Variants in MPP4 observed in about 807,000 individuals in gnomAD.
The protein encoded by MPP4 is MAGUK p55 scaffold protein 4, also known as MAGUK p55 subfamily member 4.
MPP4 carries 91 observed loss-of-function variants against 98.3 expected under a neutral mutation model. The observed-to-expected ratio is 0.93, with a 90% confidence interval of 0.78 to 1.10. MPP4 has a LOEUF of 1.10. Among genes scored for constraint, MPP4 ranks in the 50% least tolerant of loss-of-function variants. The probability of loss-of-function intolerance (pLI) is 0.00; values close to 1 mark genes in which losing one functional copy is unlikely to be tolerated. For missense variants in MPP4, 744 were observed against 792.9 expected (o/e 0.94, Z 0.74); for synonymous variants, 261 against 271.8 (o/e 0.96, Z 0.39).
chr2:201,656,392 C>T (rs1307985657), intron 16 of MPP4, 24 bp from the exon 17 acceptor site: 10 of 1,539,332 alleles, frequency 6.5e-6, no homozygotes, highest in Non-Finnish European at 8.8e-6. Flanking sequence ...GTGCACAGAA[C>T]GTAAGAACCA....
intron 18 of MPP4, 71 bp from the exon 19 acceptor site, chr2:201,650,236 A>G: frequency 6.7e-7 from 1 of 1,500,806 alleles, no homozygotes; most frequent in East Asian, 2.5e-5. Context: ...CATTTGAATA[A>G]AGATATCTAA....
chr2:201,690,641 A>AGG (rs1282460204), intron 3 of MPP4, among the ~76,000 whole-genome samples: 1 of 152,238 alleles, frequency 6.6e-6, no homozygotes, highest in Admixed American at 6.5e-5. Flanking sequence ...GTCTTAAAGG[A>AGG]GGGGCCCTTT....
At chr2:201,672,269 C>A (rs1688363536) in intron 11 of MPP4, among the ~76,000 whole-genome samples, 1 of 152,144 alleles carries the variant, frequency 6.6e-6, no homozygotes. Flanking sequence ...AAATTTAGAG[C>A]ACTAAATGCC....
intron 11 of MPP4, among the ~76,000 whole-genome samples, chr2:201,671,009 G>A (rs1413599141): frequency 2.6e-5 from 4 of 152,182 alleles, no homozygotes; most frequent in Non-Finnish European, 1.5e-5. Context: ...TTTGCAGTGA[G>A]GAAGGGTGCA....
chr2:201,689,697 G>T (rs1275785132), intron 4 of MPP4, among the ~76,000 whole-genome samples: 1 of 152,162 alleles, frequency 6.6e-6, no homozygotes, highest in African/African-American at 2.4e-5. Flanking sequence ...CCTGAGCACT[G>T]CAAGAACACA....
At chr2:201,659,137 C>A (rs1687946632) in intron 15 of MPP4, among the ~76,000 whole-genome samples, 1 of 152,166 alleles carries the variant, frequency 6.6e-6, no homozygotes, top group South Asian at 2.1e-4. Context: ...CTCAGGTGAT[C>A]CACCCACCTC....
intron 12 of MPP4, among the ~76,000 whole-genome samples, chr2:201,668,916 C>T (rs758411142): frequency 4.6e-5 from 7 of 152,168 alleles, no homozygotes; most frequent in South Asian, 2.1e-4. Context: ...CTGTGTCATA[C>T]ACCTTTTTTG....
rs929926346 is a variant in MPP4 at position 201,657,590 on chromosome 2, G to GTTTTTT, written c.1129+881_1129+886dup. Among the ~76,000 whole-genome samples, 351 of 90,990 alleles carry GTTTTTT rather than the reference G, an allele frequency of 3.9e-3. 66 individuals carry two copies. The highest frequency in any genetic ancestry group is 0.011 in the East Asian group (29 of 2,592). The allele number at this position is 90,990 out of a possible 152,430, so 59.7% of individuals were successfully genotyped here. On this transcript the variant is annotated intron_variant, in intron 16 of 21. Transcript: ENST00000409474. The stretch of plus-strand genomic sequence containing the variant: ...TCTAACAGTGAGAACCCTGGCCCTT[G>GTTTTTT]TTTTTTTTTTGTTTTTTTGTTTTTT...
intron 10 of MPP4, among the ~76,000 whole-genome samples, chr2:201,676,150 G>A (rs966298728): frequency 6.6e-6 from 1 of 152,208 alleles, no homozygotes; most frequent in Non-Finnish European, 1.5e-5. Context: ...CAGAGCTCCT[G>A]CCTCCAATTC....
At chr2:201,664,935 A>G (rs910450904) in intron 13 of MPP4, 6 of 167,302 alleles carry the variant, frequency 3.6e-5, no homozygotes, top group Middle Eastern at 3.4e-3. Flanking sequence ...TCCAAGATAC[A>G]GAATGTTAAG....
intron 11 of MPP4, chr2:201,673,445 A>G: frequency 6.3e-6 from 1 of 158,802 alleles, no homozygotes. Flanking sequence ...GGGGAGGGAT[A>G]GCATTAGGAC....
intron 11 of MPP4, among the ~76,000 whole-genome samples, chr2:201,671,390 C>T (rs1266765295): frequency 6.6e-6 from 1 of 152,138 alleles, no homozygotes; most frequent in Non-Finnish European, 1.5e-5. Flanking sequence ...GGATAAAATT[C>T]ACACATAACA....
chr2:201,695,309 C>G (rs1481703364), intron 1 of MPP4, among the ~76,000 whole-genome samples: 2 of 152,206 alleles, frequency 1.3e-5, no homozygotes, highest in African/African-American at 4.8e-5. Context: ...AATATGCCTA[C>G]TGCTCTTTAA....
rs1689105825 is a variant in MPP4, at chr2:201,693,860, T to A, written c.79+16A>T. 1 of 1,613,642 alleles carries A rather than the reference T, an allele frequency of 6.2e-7. No homozygotes were observed. ...ATTACTTTCTGGTCTAGAAAAGGAG[T>A]CCTGGTGACACATACCATTCTGTGG... On this transcript the variant is annotated intron_variant, in intron 2 of 21. Coordinates refer to ENST00000409474, the MANE Select transcript of MPP4 (RefSeq NM_033066.3).
chr2:201,671,051 T>G (rs1447817719), intron 11 of MPP4, among the ~76,000 whole-genome samples: 1 of 152,194 alleles, frequency 6.6e-6, no homozygotes, highest in East Asian at 1.9e-4. Flanking sequence ...TTTCCCATGT[T>G]CTTCGCAACC....
intron 11 of MPP4, among the ~76,000 whole-genome samples, chr2:201,673,981 C>T (rs913026656): frequency 2.6e-5 from 4 of 152,222 alleles, no homozygotes; most frequent in African/African-American, 9.6e-5. Context: ...CTGGCCTCTG[C>T]CAAGCCACAG....
chr2:201,684,218 CAAAA>C (rs10578908), intron 7 of MPP4, among the ~76,000 whole-genome samples: 36 of 137,028 alleles, frequency 2.6e-4, no homozygotes, highest in Admixed American at 4.3e-4. Context: ...GACCCTGTCT[CAAAA>C]AAAAAAAAAA....
At chr2:201,697,814 CT>C (rs1159997114) in intron 1 of MPP4, 1 of 510,778 alleles carries the variant, frequency 2.0e-6, no homozygotes. Context: ...GATAAGGAAT[CT>C]GACATTCAAG....
At chr2:201,649,269 C>T (rs1344871744) in intron 20 of MPP4, among the ~76,000 whole-genome samples, 1 of 152,182 alleles carries the variant, frequency 6.6e-6, no homozygotes, top group African/African-American at 2.4e-5. Context: ...AAAGCAACAT[C>T]TTATTCACTC....
Sources: gnomAD v4.1 joint callset for allele counts (sites outside exome capture counted in the v4.1 genomes callset) on GRCh38, gnomAD v4.1.1 for gene constraint, MANE v1.5 for transcripts, NCBI Gene and HGNC (gene_info 2026-07-23, HGNC 2026-07-21) for gene names.